The following RSRP1 variants were observed in gnomAD, a reference collection of about 807,000 sequenced individuals.
RSRP1 encodes arginine and serine rich protein 1, also known as arginine/serine-rich protein 1.
RSRP1 carries 37 observed loss-of-function variants against 33.0 expected under a neutral mutation model. That is an observed-to-expected ratio of 1.12 (90% CI 0.86 to 1.48). RSRP1 has a LOEUF of 1.48. Ranked by LOEUF, RSRP1 falls within the 40% of genes most tolerant of loss-of-function variation. The pLI is 0.00. For missense variants in RSRP1, 402 were observed against 385.3 expected, an observed-to-expected ratio of 1.04 and a Z score of -0.36; for synonymous variants, 167 against 158.7, an observed-to-expected ratio of 1.05 and a Z score of -0.40.
Position 25,270,152 on chromosome 1 carries a change from A to G in RSRP1, c.-66-23123T>C, listed in dbSNP as rs373108835. Among the ~76,000 whole-genome samples, 17 of 132,000 alleles carry G rather than the reference A, an allele frequency of 1.3e-4. 2 individuals are homozygous for G. The highest frequency in any genetic ancestry group is 9.8e-4 in the East Asian group (5 of 5,124). The allele number at this position is 132,000 out of a possible 152,430, so 86.6% of individuals were successfully genotyped here. The stretch of plus-strand genomic sequence containing the variant: ...TACTGACTGCCAGAAATAGAGCAGA[A>G]ATGAGAACCAGGAGGCAATTGTGAG... On this transcript the variant is annotated intron_variant, in intron 1 of 1. Coordinates refer to the RSRP1 transcript ENST00000561867.
At position 25,247,010 on chromosome 1, in the gene RSRP1, A is replaced by C; in HGVS notation, c.-47T>G. On this transcript the variant is annotated 5_prime_UTR_variant, in exon 2 of 5. Transcript: ENST00000243189. The stretch of plus-strand genomic sequence containing the variant: ...GCGCTTTCTCCGGAAAGGATCCCGC[A>C]AGCCTCAACTCAGGACTTCCTAAAA... 1.3e-6 allele frequency: 2 copies of C among 1,504,414 alleles called. No individual in the cohort carries two copies. Among genetic ancestry groups the C allele is most frequent in the South Asian group, 1.3e-5 (1 of 77,002 alleles). The allele number at this position is 1,504,414 out of a possible 1,614,324, so 93.2% of individuals were successfully genotyped here. A position where few individuals can be genotyped will look rare whatever the true frequency, so the allele number is the denominator to read the frequency against.
At chr1:25,251,892 A>ATT (rs58495891), upstream of RSRP1, among the ~76,000 whole-genome samples, 36 of 141,208 alleles carry the variant, frequency 2.5e-4, no homozygotes, top group African/African-American at 7.5e-4. Flanking sequence ...CCACATATAG[A>ATT]TTTTTTTTTT....
intron 1 of RSRP1, among the ~76,000 whole-genome samples, chr1:25,311,415 C>T (rs1644140617): frequency 7.6e-6 from 1 of 130,744 alleles, no homozygotes; most frequent in African/African-American, 2.6e-5. Context: ...TTCCCAGCTA[C>T]CTGGGAGGCT....
In RSRP1 at chr1:25,301,596, C is replaced by T. The variant is rs367810718; in HGVS notation, c.-67+36382G>A. 28 of 1,379,856 alleles carry T rather than the reference C, an allele frequency of 2.0e-5. 6 individuals are homozygous for T. Among genetic ancestry groups the T allele is most frequent in the Admixed American group, 7.1e-5 (4 of 56,426 alleles). 85.5% of individuals were successfully genotyped at this position (1,379,856 alleles called of 1,614,324 possible). ...GAAGTCCAATCGAAAGGAAGAATGC[C>T]GTGTTCAACACCTACTATGCTGTAG... is the stretch of plus-strand genomic sequence containing the variant. On this transcript the variant is annotated intron_variant, in intron 1 of 1. Transcript: ENST00000561867.
rs372082737 is a variant in RSRP1, at chr1:25,321,674, T to TAAAATAAAATAAAATA, written c.-67+16303_-67+16304insTATTTTATTTTATTTT. On this transcript the variant is annotated intron_variant, in intron 1 of 1. Coordinates refer to the RSRP1 transcript ENST00000561867. ...GATAGAGTGAGACTCTGTCTCAAAATAAATAAAATAAAATAAAATAAAATA... is the reference window on the plus strand; with the variant it reads ...GATAGAGTGAGACTCTGTCTCAAAATAAAATAAAATAAAATAAAATAAAATAAAATAAAATAAAATA... 6.6e-5 allele frequency among the ~76,000 whole-genome samples: 6 copies of TAAAATAAAATAAAATA among 91,300 alleles called. 1 individual carries two copies. Among genetic ancestry groups the TAAAATAAAATAAAATA allele is most frequent in the Admixed American group, 4.6e-4 (4 of 8,620 alleles). 59.9% of individuals were successfully genotyped at this position (91,300 alleles called of 152,430 possible). A position where few individuals can be genotyped will look rare whatever the true frequency, so the allele number is the denominator to read the frequency against.
Position 25,311,542 on chromosome 1 carries a change from GAAGA to G in RSRP1, c.-67+26432_-67+26435del, listed in dbSNP as rs1330208487. 2.3e-5 allele frequency among the ~76,000 whole-genome samples: 3 copies of G among 130,764 alleles called. 1 individual carries two copies. The highest frequency in any genetic ancestry group is 5.4e-5 in the Non-Finnish European group (3 of 55,250). The allele number at this position is 130,764 out of a possible 152,430, so 85.8% of individuals were successfully genotyped here. On this transcript the variant is annotated intron_variant, in intron 1 of 1. Transcript: ENST00000561867. Reference sequence around the variant, plus strand: ...TCCGTCTCAAAAAGAAAAAAAAAAGGAAGAAAGAAAATTAGTACACATAGAACAA... The same window carrying G: ...TCCGTCTCAAAAAGAAAAAAAAAAGGAAGAAAATTAGTACACATAGAACAA...
rs1644647247 is a variant in RSRP1, at chr1:25,320,634, G to A, written c.-67+17344C>T. Among the ~76,000 whole-genome samples, 2 of 132,102 alleles carry A rather than the reference G, an allele frequency of 1.5e-5. 1 individual carries two copies. The highest frequency in any genetic ancestry group is 3.6e-5 in the Non-Finnish European group (2 of 55,766). The allele number at this position is 132,102 out of a possible 152,430, so 86.7% of individuals were successfully genotyped here. A position where few individuals can be genotyped will look rare whatever the true frequency, so the allele number is the denominator to read the frequency against. On this transcript the variant is annotated intron_variant, in intron 1 of 1. Coordinates refer to the RSRP1 transcript ENST00000561867. ...TAATACACAGATAAATCTATCAGGA[G>A]CATTTCCTTGCTTCCTGTGAAAGGA...
chr1:25,249,947 G>A (rs1639723804), upstream of RSRP1, among the ~76,000 whole-genome samples: 1 of 152,134 alleles, frequency 6.6e-6, no homozygotes, highest in Non-Finnish European at 1.5e-5. Flanking sequence ...GTAACCAAGC[G>A]AGATAGAGAA....
chr1:25,314,278 A>T lies in RSRP1; in HGVS notation c.-67+23700T>A, dbSNP rs1471357780. On this transcript the variant is annotated intron_variant, in intron 1 of 1. Coordinates refer to the RSRP1 transcript ENST00000561867. ...CCTTCTTTTTGATTAGTCATTTAGC[A>T]ATCAAACCTATTGTTTACATTTTGA... 1.5e-5 allele frequency among the ~76,000 whole-genome samples: 2 copies of T among 132,776 alleles called. 1 individual carries two copies. The highest frequency in any genetic ancestry group is 3.6e-5 in the Non-Finnish European group (2 of 56,052). 87.1% of individuals were successfully genotyped at this position (132,776 alleles called of 152,430 possible).
chr1:25,291,052 G>T (rs1260487055), intron 1 of RSRP1, among the ~76,000 whole-genome samples: 1 of 131,118 alleles, frequency 7.6e-6, no homozygotes, highest in African/African-American at 2.6e-5. Flanking sequence ...AGGAGGCTGA[G>T]GTGTGAGTTG....
intron 1 of RSRP1, chr1:25,267,699 G>A (rs1162495653): frequency 7.6e-6 from 1 of 132,408 alleles, no homozygotes; most frequent in African/African-American, 2.6e-5. Context: ...ACCCCTGAGA[G>A]GGCTGCGCGG....
chr1:25,297,580 G>A lies in RSRP1; in HGVS notation c.-67+40398C>T, dbSNP rs556741514. Reference sequence around the variant, plus strand: ...GTTTTCTAATTCCATCTTTCCTTCAGTAGTTGGCATTCTTCTGTAAGGAAA... The same window carrying A: ...GTTTTCTAATTCCATCTTTCCTTCAATAGTTGGCATTCTTCTGTAAGGAAA... On this transcript the variant is annotated intron_variant, in intron 1 of 1. Coordinates refer to the RSRP1 transcript ENST00000561867. Among the ~76,000 whole-genome samples, 43 of 130,796 alleles carry A rather than the reference G, an allele frequency of 3.3e-4. 6 individuals are homozygous for A. The South Asian group carries it at 8.9e-3, about 27-fold the overall frequency. 85.8% of individuals were successfully genotyped at this position (130,796 alleles called of 152,430 possible). A position where few individuals can be genotyped will look rare whatever the true frequency, so the allele number is the denominator to read the frequency against.
At position 25,242,446 on chromosome 1, in the gene RSRP1, GT is replaced by G. The variant is rs1392726764; in HGVS notation, c.*142del. On this transcript the variant is annotated 3_prime_UTR_variant, in exon 5 of 5. Coordinates refer to ENST00000243189, the MANE Select transcript of RSRP1 (RefSeq NM_020317.5). Reference sequence around the variant, plus strand: ...AGAAACCTAAAATGTTAATATTTGAGTGTTAAGTATTTACATCTTTTTGTGT... The same window carrying G: ...AGAAACCTAAAATGTTAATATTTGAGGTTAAGTATTTACATCTTTTTGTGT... The G allele has an allele frequency of 1.7e-6, 1 of 580,084 alleles. No homozygotes were observed. Among genetic ancestry groups the G allele is most frequent in the Non-Finnish European group, 3.1e-6 (1 of 322,256 alleles). The allele number at this position is 580,084 out of a possible 1,614,324, so 35.9% of individuals were successfully genotyped here. A position where few individuals can be genotyped will look rare whatever the true frequency, so the allele number is the denominator to read the frequency against.
At chr1:25,258,813 T>TTAC (rs1640030457) in intron 1 of RSRP1, among the ~76,000 whole-genome samples, 1 of 152,236 alleles carries the variant, frequency 6.6e-6, no homozygotes, top group Admixed American at 6.5e-5. Context: ...ACTGCATTTG[T>TTAC]ACTCTTATAA....
At chr1:25,312,955 A>AAAAAAAAAAAAAAAAAAAAAAAAATT (rs1644244261) in intron 1 of RSRP1, among the ~76,000 whole-genome samples, 1 of 109,882 alleles carries the variant, frequency 9.1e-6, no homozygotes, top group East Asian at 2.1e-4. Flanking sequence ...AAAAAAAAAA[A>AAAAAAAAAAAAAAAAAAAAAAAAATT]CTTTAGTGCT....
chr1:25,246,634 C>A lies in RSRP1; in HGVS notation c.330G>T (p.Arg110=), dbSNP rs376906196. The A allele has an allele frequency of 6.2e-7, 1 of 1,613,956 alleles. No individual in the cohort carries two copies. The highest frequency in any genetic ancestry group is 1.3e-5 in the African/African-American group (1 of 74,950). ...ACCTGCTACGGGACCGGGACCGGTA[C>A]CGCGAAGGAGACCGGTAGTATCTCC... is the stretch of plus-strand genomic sequence containing the variant. ...FTRRYYRSPS[R]YRSRSRSRSR... is the part of the protein sequence containing the mutation. Residue 110 remains arginine (R), a synonymous_variant, in exon 2 of 5, where the codon CGG becomes CGT. Coordinates refer to ENST00000243189, the MANE Select transcript of RSRP1 (RefSeq NM_020317.5).
At position 25,269,313 on chromosome 1, in the gene RSRP1, A is replaced by G. The variant is rs1213678323; in HGVS notation, c.-66-22284T>C. Among the ~76,000 whole-genome samples the G allele has an allele frequency of 3.8e-5, 5 of 132,306 alleles. 1 individual carries two copies. Among genetic ancestry groups the G allele is most frequent in the Non-Finnish European group, 7.2e-5 (4 of 55,802 alleles). The allele number at this position is 132,306 out of a possible 152,430, so 86.8% of individuals were successfully genotyped here. A position where few individuals can be genotyped will look rare whatever the true frequency, so the allele number is the denominator to read the frequency against. On this transcript the variant is annotated intron_variant, in intron 1 of 1. Coordinates refer to the RSRP1 transcript ENST00000561867. ...TGAAAGACGGAGTGGTGGGATGGGA[A>G]CTCTAAGCGCGGCTTCCACTGCATG...
At chr1:25,323,414 C>A (rs1644820021) in intron 1 of RSRP1, among the ~76,000 whole-genome samples, 1 of 112,246 alleles carries the variant, frequency 8.9e-6, no homozygotes, top group Non-Finnish European at 2.1e-5. Flanking sequence ...TGGTCCCACC[C>A]AAAGGCAACC....
At chr1:25,321,265 C>A (rs114412762) in intron 1 of RSRP1, among the ~76,000 whole-genome samples, 2,109 of 125,480 alleles carry the variant, frequency 0.017, 324 homozygotes, top group African/African-American at 0.053. Context: ...TTTCGTGGGG[C>A]CCTTTTACTC....
Sources: gnomAD v4.1 joint callset for allele counts (sites outside exome capture counted in the v4.1 genomes callset) on GRCh38, gnomAD v4.1.1 for gene constraint, MANE v1.5 for transcripts, NCBI Gene and HGNC (gene_info 2026-07-23, HGNC 2026-07-21) for gene names.